The following EMC2 variants were observed in gnomAD, a reference collection of about 807,000 sequenced individuals.
EMC2 encodes the protein ER membrane protein complex subunit 2, also known as TPR repeat protein 35.
Under a neutral mutation model 51.6 loss-of-function variants are expected in EMC2, and 37 were observed. The observed-to-expected ratio is 0.72, with a 90% CI of 0.55 to 0.94. The LOEUF (loss-of-function observed/expected upper bound fraction) is 0.94, where lower values mean the gene tolerates loss of function less well. Ranked by LOEUF, EMC2 falls within the 40% of genes least tolerant of loss-of-function variation. EMC2 has a pLI of 0.00. For synonymous variants in EMC2, 131 were observed against 112.4 expected (o/e 1.17, Z -1.04); for missense variants, 359 against 350.9 (o/e 1.02, Z -0.18).
intron 5 of EMC2, 85 bp downstream of exon 5, chr8:108,456,015 A>T: frequency 2.2e-6 from 1 of 456,684 alleles, no homozygotes; most frequent in Non-Finnish European, 3.9e-6. Flanking sequence ...TACATAAGGA[A>T]CTAGGTCTTA....
intron 10 of EMC2, among the ~76,000 whole-genome samples, chr8:108,483,168 G>T (rs1360838921): frequency 6.6e-6 from 1 of 152,048 alleles, no homozygotes; most frequent in Non-Finnish European, 1.5e-5. Flanking sequence ...GAGAATTAAA[G>T]AAATTAAAAC....
chr8:108,455,296 A>G (rs1021338910), intron 4 of EMC2, among the ~76,000 whole-genome samples: 1 of 151,526 alleles, frequency 6.6e-6, no homozygotes, highest in African/African-American at 2.4e-5. Flanking sequence ...TAATTCTTCA[A>G]CCTCCTGACT....
intron 7 of EMC2, chr8:108,470,850 A>G (rs1048695187): frequency 1.3e-5 from 2 of 151,460 alleles, no homozygotes; most frequent in Non-Finnish European, 2.9e-5. Flanking sequence ...CTTCTTTTTG[A>G]CAGAATAGAA....
intron 1 of EMC2, among the ~76,000 whole-genome samples, chr8:108,448,580 A>G (rs917667340): frequency 6.6e-6 from 1 of 152,148 alleles, no homozygotes; most frequent in Admixed American, 6.5e-5. Flanking sequence ...CCATCCACGT[A>G]GGATATGACT....
chr8:108,458,048 C>T (rs1345659362), intron 5 of EMC2, among the ~76,000 whole-genome samples: 1 of 152,190 alleles, frequency 6.6e-6, no homozygotes, highest in Non-Finnish European at 1.5e-5. Flanking sequence ...AGGCTACAGG[C>T]CCCATGCAAG....
At position 108,450,416 on chromosome 8, in the gene EMC2, A is replaced by C; in HGVS notation, c.155-12A>C. ...TTAAATTCAGTTTTTTTCCCCCTTT[A>C]TGTGTATCTAGTTTGGATCATATAT... On this transcript the variant is annotated splice_polypyrimidine_tract_variant and intron_variant, in intron 2 of 10. Transcript: ENST00000220853. The C allele has an allele frequency of 6.4e-7, 1 of 1,550,630 alleles. No individual in the cohort carries two copies. The highest frequency in any genetic ancestry group is 1.1e-5 in the South Asian group (1 of 88,878).
At chr8:108,467,139 A>G in intron 5 of EMC2, among the ~76,000 whole-genome samples, 1 of 152,142 alleles carries the variant, frequency 6.6e-6, no homozygotes, top group East Asian at 1.9e-4. Flanking sequence ...TATTCTGCAG[A>G]TAGCTACCGA....
At chr8:108,484,090 G>A (rs1811093105) in intron 10 of EMC2, among the ~76,000 whole-genome samples, 1 of 152,030 alleles carries the variant, frequency 6.6e-6, no homozygotes, top group African/African-American at 2.4e-5. Flanking sequence ...AGTAGAAGCA[G>A]ACACATTTGA....
At chr8:108,480,340 C>T (rs561179332) in intron 10 of EMC2, among the ~76,000 whole-genome samples, 3 of 152,002 alleles carry the variant, frequency 2.0e-5, no homozygotes, top group Admixed American at 6.6e-5. Context: ...TATTAGGAGA[C>T]AATGTTTATG....
intron 5 of EMC2, among the ~76,000 whole-genome samples, chr8:108,460,062 T>C (rs1015037572): frequency 2.0e-5 from 3 of 152,222 alleles, no homozygotes; most frequent in Admixed American, 6.5e-5. Context: ...TTTATAAGAC[T>C]TCACTGTGGT....
chr8:108,482,502 C>G (rs988651076), intron 10 of EMC2, among the ~76,000 whole-genome samples: 1 of 152,140 alleles, frequency 6.6e-6, no homozygotes, highest in African/African-American at 2.4e-5. Flanking sequence ...ATAAAGAATT[C>G]TGTGTGTCTT....
chr8:108,455,117 A>G (rs954392963), intron 4 of EMC2, among the ~76,000 whole-genome samples: 5 of 152,004 alleles, frequency 3.3e-5, no homozygotes, highest in African/African-American at 4.8e-5. Flanking sequence ...TGTGTCTATC[A>G]TAAGTTTAGG....
At chr8:108,473,660 A>C (rs1414602860) in intron 7 of EMC2, among the ~76,000 whole-genome samples, 1 of 90,120 alleles carries the variant, frequency 1.1e-5, no homozygotes, top group Non-Finnish European at 2.2e-5. Flanking sequence ...CCAGCCTTTT[A>C]AAATTCCATA....
intron 1 of EMC2, among the ~76,000 whole-genome samples, chr8:108,448,759 C>G (rs1219257554): frequency 6.6e-6 from 1 of 152,114 alleles, no homozygotes; most frequent in Non-Finnish European, 1.5e-5. Flanking sequence ...CTGTTTACTC[C>G]TTTCCAGTTT....
At chr8:108,447,539 G>T (rs1818906762) in intron 1 of EMC2, among the ~76,000 whole-genome samples, 2 of 152,054 alleles carry the variant, frequency 1.3e-5, no homozygotes, top group African/African-American at 4.8e-5. Flanking sequence ...AAAATGAAGT[G>T]GAAAAGATAC....
chr8:108,481,124 T>TTAA (rs1468269647), intron 10 of EMC2, among the ~76,000 whole-genome samples: 2 of 152,254 alleles, frequency 1.3e-5, no homozygotes, highest in East Asian at 3.9e-4. Flanking sequence ...AAATTGACTG[T>TTAA]TACCTAGTTT....
intron 4 of EMC2, among the ~76,000 whole-genome samples, chr8:108,454,350 T>C (rs984915397): frequency 2.0e-5 from 3 of 152,084 alleles, no homozygotes; most frequent in Admixed American, 6.5e-5. Context: ...GTATTTTCTC[T>C]CTCTCAGTGT....
intron 2 of EMC2, among the ~76,000 whole-genome samples, 174 bp downstream of exon 2, chr8:108,450,110 GGTA>G (rs1300732686): frequency 2.0e-5 from 3 of 151,808 alleles, no homozygotes; most frequent in African/African-American, 7.3e-5. Flanking sequence ...ATAATTGCTT[GGTA>G]GTAGTAAGCT....
intron 9 of EMC2, 111 bp downstream of exon 9, chr8:108,477,003 A>G (rs954053578): frequency 1.8e-6 from 1 of 571,374 alleles, no homozygotes; most frequent in South Asian, 2.4e-5. Flanking sequence ...ATTGATAAGC[A>G]TGTTTTTTTC....
Sources: allele counts gnomAD v4.1 joint callset (sites outside exome capture counted in the v4.1 genomes callset), GRCh38; gene constraint gnomAD v4.1.1; transcripts MANE v1.5; gene names NCBI Gene and HGNC (gene_info 2026-07-23, HGNC 2026-07-21).